The following NAALADL2 variants were observed in gnomAD, a reference collection of about 807,000 sequenced individuals.
NAALADL2 encodes the protein N-acetylated alpha-linked acidic dipeptidase like 2.
NAALADL2 carries 76 observed loss-of-function variants against 87.2 expected under a neutral mutation model. The ratio of observed to expected loss-of-function variants is 0.87; its 90% confidence interval spans 0.72 to 1.05. NAALADL2 has a LOEUF of 1.05. Among genes scored for constraint, NAALADL2 ranks in the 50% least tolerant of loss-of-function variants. NAALADL2 has a pLI of 0.00. For missense variants in NAALADL2, 1,089 were observed against 945.8 expected, an observed-to-expected ratio of 1.15 and a Z score of -1.99; for synonymous variants, 354 against 331.0, an observed-to-expected ratio of 1.07 and a Z score of -0.75.
chr3:175,232,804 T>C (rs1745180578), intron 2 of NAALADL2, among the ~76,000 whole-genome samples: 2 of 152,156 alleles, frequency 1.3e-5, no homozygotes, highest in Non-Finnish European at 2.9e-5. Context: ...TAATAACTTG[T>C]ATAGCAATAA....
intron 1 of NAALADL2, among the ~76,000 whole-genome samples, chr3:175,080,731 T>C (rs1357003232): frequency 6.6e-6 from 1 of 152,244 alleles, no homozygotes; most frequent in African/African-American, 2.4e-5. Flanking sequence ...GGAAATCCTA[T>C]ATTTAGTGAT....
At chr3:174,812,612 T>C (rs935318793) in intron 3 of NAALADL2, among the ~76,000 whole-genome samples, 1 of 152,074 alleles carries the variant, frequency 6.6e-6, no homozygotes, top group African/African-American at 2.4e-5. Flanking sequence ...CAAGAGGTAT[T>C]CCAAAAGAAG....
intron 4 of NAALADL2, among the ~76,000 whole-genome samples, chr3:175,289,698 C>T (rs910149413): frequency 1.1e-4 from 17 of 151,994 alleles, no homozygotes; most frequent in African/African-American, 3.6e-4. Flanking sequence ...GTGATTGCTG[C>T]GCCTGTAGTC....
At chr3:175,240,006 T>C (rs1258690682) in intron 3 of NAALADL2, among the ~76,000 whole-genome samples, 2 of 152,206 alleles carry the variant, frequency 1.3e-5, no homozygotes, top group African/African-American at 2.4e-5. Context: ...ATATCAAGAT[T>C]TGAAAGAACA....
intron 11 of NAALADL2, among the ~76,000 whole-genome samples, chr3:175,689,390 A>C (rs1027873966): frequency 2.6e-5 from 4 of 152,176 alleles, no homozygotes; most frequent in Admixed American, 2.0e-4. Context: ...ATGCTAGATA[A>C]GCTAGGAAGC....
chr3:175,050,527 T>G (rs1311673228), intron 1 of NAALADL2, among the ~76,000 whole-genome samples: 1 of 152,222 alleles, frequency 6.6e-6, no homozygotes, highest in South Asian at 2.1e-4. Flanking sequence ...GTTTTGGGTC[T>G]TCATTTCAAA....
At chr3:174,514,114 T>C (rs930129912) in intron 1 of NAALADL2, among the ~76,000 whole-genome samples, 1 of 152,202 alleles carries the variant, frequency 6.6e-6, no homozygotes, top group Non-Finnish European at 1.5e-5. Context: ...ATGTTTTTTT[T>C]CTAAATTAAT....
chr3:175,527,447 G>C (rs1733570636), intron 9 of NAALADL2, among the ~76,000 whole-genome samples: 1 of 152,074 alleles, frequency 6.6e-6, no homozygotes, highest in Non-Finnish European at 1.5e-5. Context: ...AAATATACTT[G>C]AGAAATTATT....
At chr3:174,875,972 A>G (rs1196428717) in intron 1 of NAALADL2, among the ~76,000 whole-genome samples, 2 of 152,104 alleles carry the variant, frequency 1.3e-5, no homozygotes, top group Non-Finnish European at 2.9e-5. Context: ...AAAGATAGAT[A>G]AAAGTGAAAC....
At chr3:174,751,968 A>AT (rs902802060) in intron 3 of NAALADL2, among the ~76,000 whole-genome samples, 1 of 151,348 alleles carries the variant, frequency 6.6e-6, no homozygotes, top group Non-Finnish European at 1.5e-5. Context: ...ATTTTCTTTT[A>AT]TTTTTTTCTT....
At chr3:175,169,233 T>A (rs2108896362) in intron 2 of NAALADL2, among the ~76,000 whole-genome samples, 1 of 151,856 alleles carries the variant, frequency 6.6e-6, no homozygotes, top group East Asian at 1.9e-4. Flanking sequence ...GTTTTTGTCA[T>A]CAGTTTACTA....
At chr3:175,205,840 GAA>G (rs1371072186) in intron 2 of NAALADL2, among the ~76,000 whole-genome samples, 1 of 150,782 alleles carries the variant, frequency 6.6e-6, no homozygotes, top group Non-Finnish European at 1.5e-5. Flanking sequence ...AAAAAAAAAT[GAA>G]AAAATGCCCA....
chr3:175,514,241 T>A (rs77738461), intron 9 of NAALADL2, among the ~76,000 whole-genome samples: 5,254 of 152,306 alleles, frequency 0.034, 126 homozygotes, highest in South Asian at 0.078. Flanking sequence ...TTAGTGCACA[T>A]CTATAAATTC....
Position 175,804,731 on chromosome 3 carries a change from G to A in NAALADL2, c.*1528G>A, listed in dbSNP as rs1355726713. ...AGTCTTAGTTTAAAGGCAAACTAAA[G>A]TTGAGGGGAAATAATTAATCAATAC... On this transcript the variant is annotated 3_prime_UTR_variant, in exon 14 of 14. Transcript: ENST00000454872. The A allele has an allele frequency of 2.0e-5, 3 of 151,720 alleles. No homozygotes were observed. Among genetic ancestry groups the A allele is most frequent in the Non-Finnish European group, 2.9e-5 (2 of 67,800 alleles). The allele number at this position is 151,720 out of a possible 1,614,324, so 9.4% of individuals were successfully genotyped here.
intron 10 of NAALADL2, among the ~76,000 whole-genome samples, chr3:175,616,991 GAGA>G (rs976744892): frequency 3.3e-5 from 5 of 152,106 alleles, no homozygotes; most frequent in Non-Finnish European, 7.4e-5. Flanking sequence ...CCACCAAAGG[GAGA>G]AGAAGAATCT....
chr3:175,679,683 GA>G (rs1160744884), intron 11 of NAALADL2, among the ~76,000 whole-genome samples: 1 of 152,098 alleles, frequency 6.6e-6, no homozygotes, highest in Admixed American at 6.6e-5. Flanking sequence ...CAGTCAATAC[GA>G]AATCTGTTTT....
At chr3:175,353,553 A>G (rs1378051048) in intron 5 of NAALADL2, among the ~76,000 whole-genome samples, 1 of 152,208 alleles carries the variant, frequency 6.6e-6, no homozygotes, top group Admixed American at 6.5e-5. Context: ...TAGGTGATTT[A>G]CTCAAGATCA....
intron 3 of NAALADL2, among the ~76,000 whole-genome samples, chr3:174,788,601 TA>T (rs555027653): frequency 1.5e-4 from 23 of 152,268 alleles, no homozygotes; most frequent in Non-Finnish European, 2.4e-4. Flanking sequence ...CCACTCCATT[TA>T]AAATTATTTA....
intron 5 of NAALADL2, among the ~76,000 whole-genome samples, chr3:175,390,242 T>C (rs759129182): frequency 2.5e-4 from 38 of 152,050 alleles, no homozygotes; most frequent in Non-Finnish European, 5.0e-4. Context: ...AAACAAAAAA[T>C]AGGGCTCAAA....
Sources: allele counts gnomAD v4.1 joint callset (sites outside exome capture counted in the v4.1 genomes callset), GRCh38; gene constraint gnomAD v4.1.1; transcripts MANE v1.5; gene names NCBI Gene and HGNC (gene_info 2026-07-23, HGNC 2026-07-21).